MTAP: variants seen among roughly 807,000 people sequenced by gnomAD.
The protein encoded by MTAP is methylthioadenosine phosphorylase, also known as S-methyl-5'-thioadenosine phosphorylase.
In MTAP, 33 loss-of-function variants were observed where a neutral mutation model predicts 33.6. The ratio of observed to expected loss-of-function variants is 0.98; its 90% confidence interval spans 0.74 to 1.31. The LOEUF (loss-of-function observed/expected upper bound fraction) is 1.31, where lower values mean the gene tolerates loss of function less well. Among genes scored for constraint, MTAP ranks in the 40% most tolerant of loss-of-function variants. MTAP has a pLI of 0.00. For missense variants in MTAP, 367 were observed against 360.0 expected (o/e 1.02, Z -0.16); for synonymous variants, 148 against 125.7 (o/e 1.18, Z -1.19).
Position 21,827,938 on chromosome 9 carries a change from T to C in MTAP, c.347+9736T>C, listed in dbSNP as rs190203823. 2.5e-3 allele frequency among the ~76,000 whole-genome samples: 374 copies of C among 152,358 alleles called. 2 individuals carry two copies. The highest frequency in any genetic ancestry group is 8.5e-3 in the African/African-American group (355 of 41,590). ...ATGTATAAAGTATTACAGATGATAC[T>C]GTAAAGTCTGAATTGGGCACTGAGC... is the stretch of plus-strand genomic sequence containing the variant. On this transcript the variant is annotated intron_variant, in intron 4 of 7. Transcript: ENST00000644715.
chr9:21,835,874 G>C (rs1474372416), intron 4 of MTAP, among the ~76,000 whole-genome samples: 2 of 152,228 alleles, frequency 1.3e-5, no homozygotes, highest in African/African-American at 4.8e-5. Flanking sequence ...TGTATTGACA[G>C]TTAAGTTGAT....
chr9:21,913,795 A>G (rs569961044), intron 1 of MTAP, among the ~76,000 whole-genome samples: 2 of 152,352 alleles, frequency 1.3e-5, no homozygotes, highest in South Asian at 2.1e-4. Context: ...AATTAAACTA[A>G]AGAGCTTCTG....
chr9:21,863,743 G>A lies in MTAP; in HGVS notation c.*1729G>A, dbSNP rs182527165. ...CTATTACAGGATACTTCAGGATCAA[G>A]ATACAGAACCTTTTATTTAAAGAGT... is the stretch of plus-strand genomic sequence containing the variant. On this transcript the variant is annotated 3_prime_UTR_variant, in exon 8 of 8. Coordinates refer to ENST00000644715, the MANE Select transcript of MTAP (RefSeq NM_002451.4). The A allele has an allele frequency of 1.4e-4, 139 of 985,812 alleles. No homozygotes were observed. In the East Asian group the frequency reaches 0.014, roughly 102 times the overall value. The allele number at this position is 985,812 out of a possible 1,614,324, so 61.1% of individuals were successfully genotyped here.
At chr9:21,817,319 T>G (rs543566224) in intron 3 of MTAP, among the ~76,000 whole-genome samples, 5 of 152,212 alleles carry the variant, frequency 3.3e-5, no homozygotes, top group Admixed American at 2.6e-4. Context: ...TTTAGCAGCT[T>G]AAAATAGCAC....
At chr9:21,908,905 C>G (rs1379156007) in intron 1 of MTAP, among the ~76,000 whole-genome samples, 1 of 151,798 alleles carries the variant, frequency 6.6e-6, no homozygotes, top group Non-Finnish European at 1.5e-5. Context: ...TCTTTATATT[C>G]CCTTCCCCTT....
intron 1 of MTAP, among the ~76,000 whole-genome samples, chr9:21,813,245 T>C (rs936802276): frequency 6.6e-6 from 1 of 152,230 alleles, no homozygotes; most frequent in Non-Finnish European, 1.5e-5. Context: ...ACTCAGTTGC[T>C]ACACTTGTCC....
At position 21,865,910 on chromosome 9, in the gene MTAP, A is replaced by G; in HGVS notation, c.*3896A>G. 1 of 564,336 alleles carries G rather than the reference A, an allele frequency of 1.8e-6. No homozygotes were observed. The highest frequency in any genetic ancestry group is 2.2e-6 in the Non-Finnish European group (1 of 444,760). The allele number at this position is 564,336 out of a possible 1,614,324, so 35.0% of individuals were successfully genotyped here. A position where few individuals can be genotyped will look rare whatever the true frequency, so the allele number is the denominator to read the frequency against. ...AATTTGATTATCTATTCACCTGTTGATGAATGTTTGAATTTTTTCCATTTG... is the reference window on the plus strand; with the variant it reads ...AATTTGATTATCTATTCACCTGTTGGTGAATGTTTGAATTTTTTCCATTTG... On this transcript the variant is annotated 3_prime_UTR_variant, in exon 8 of 8. Coordinates refer to ENST00000644715, the MANE Select transcript of MTAP (RefSeq NM_002451.4).
chr9:21,823,265 A>T (rs1036002840), intron 4 of MTAP, among the ~76,000 whole-genome samples: 2 of 152,014 alleles, frequency 1.3e-5, no homozygotes, highest in African/African-American at 2.4e-5. Flanking sequence ...AGTGGCTGGT[A>T]CCAGTTGTTC....
chr9:21,865,783 C>A lies in MTAP; in HGVS notation c.*3769C>A, dbSNP rs1386730525. ...AATTTCTTCAGAAAGACAATCTCGG[C>A]ATGCATTATTTCTTTGTTTTGAAGA... is the stretch of plus-strand genomic sequence containing the variant. On this transcript the variant is annotated 3_prime_UTR_variant, in exon 8 of 8. Transcript: ENST00000644715. The A allele has an allele frequency of 1.6e-5, 17 of 1,031,206 alleles. No homozygotes were observed. In the African/African-American group the frequency reaches 2.7e-4, roughly 17 times the overall value. The allele number at this position is 1,031,206 out of a possible 1,614,324, so 63.9% of individuals were successfully genotyped here. A position where few individuals can be genotyped will look rare whatever the true frequency, so the allele number is the denominator to read the frequency against.
chr9:21,816,053 C>T (rs1263532298), intron 2 of MTAP, among the ~76,000 whole-genome samples: 2 of 152,228 alleles, frequency 1.3e-5, no homozygotes. Context: ...GCCCATGTCA[C>T]TCAGCCTAGG....
At chr9:21,809,411 G>A (rs1356714637) in intron 1 of MTAP, among the ~76,000 whole-genome samples, 2 of 151,816 alleles carry the variant, frequency 1.3e-5, no homozygotes, top group African/African-American at 2.4e-5. Flanking sequence ...AGGCTGAGGC[G>A]GGCGGATCAC....
rs1825784001 is a variant in MTAP at position 21,862,968 on chromosome 9, T to C, written c.*954T>C. 2.0e-6 allele frequency: 2 copies of C among 984,154 alleles called. No individual in the cohort carries two copies. Among genetic ancestry groups the C allele is most frequent in the African/African-American group, 1.7e-5 (1 of 57,318 alleles). 61.0% of individuals were successfully genotyped at this position (984,154 alleles called of 1,614,324 possible). A position where few individuals can be genotyped will look rare whatever the true frequency, so the allele number is the denominator to read the frequency against. On this transcript the variant is annotated 3_prime_UTR_variant, in exon 8 of 8. Transcript: ENST00000644715. ...AAGATCCAGTTCTTGAAAACACTGT[T>C]TCTGGTAATGAAGCAGAATTTAAGT...
chr9:21,847,686 A>C (rs1417842627), intron 5 of MTAP, among the ~76,000 whole-genome samples: 1 of 152,222 alleles, frequency 6.6e-6, no homozygotes, highest in African/African-American at 2.4e-5. Flanking sequence ...CAGTGGACAA[A>C]GTGATGAAAG....
At chr9:21,840,608 T>C (rs758413081) in intron 5 of MTAP, among the ~76,000 whole-genome samples, 3 of 152,176 alleles carry the variant, frequency 2.0e-5, no homozygotes, top group Non-Finnish European at 4.4e-5. Flanking sequence ...AGTCTCCAGC[T>C]TGAGTCCAGG....
At chr9:21,811,257 C>A (rs899158281) in intron 1 of MTAP, among the ~76,000 whole-genome samples, 1 of 152,132 alleles carries the variant, frequency 6.6e-6, no homozygotes, top group Non-Finnish European at 1.5e-5. Context: ...TGAATGGTTT[C>A]TGGGACAAAG....
chr9:21,810,651 C>G (rs890513881), intron 1 of MTAP, among the ~76,000 whole-genome samples: 1 of 152,180 alleles, frequency 6.6e-6, no homozygotes, highest in African/African-American at 2.4e-5. Flanking sequence ...ACATTCAAAC[C>G]ATAACATGAG....
chr9:21,830,631 C>A (rs989793730), intron 4 of MTAP, among the ~76,000 whole-genome samples: 7 of 152,184 alleles, frequency 4.6e-5, no homozygotes, highest in African/African-American at 1.7e-4. Flanking sequence ...AAGATATGTA[C>A]TCCCAGATTC....
At chr9:21,911,858 G>C (rs1175611296) in intron 1 of MTAP, among the ~76,000 whole-genome samples, 2 of 151,986 alleles carry the variant, frequency 1.3e-5, no homozygotes, top group Non-Finnish European at 2.9e-5. Flanking sequence ...TTTTTGAAAA[G>C]ATCAACAAAA....
chr9:21,811,700 A>G, intron 1 of MTAP: 1 of 531,998 alleles, frequency 1.9e-6, no homozygotes, highest in Non-Finnish European at 3.8e-6. Flanking sequence ...CTCAGACACC[A>G]GGTCGTTCAT....
Sources: allele counts gnomAD v4.1 joint callset (sites outside exome capture counted in the v4.1 genomes callset), GRCh38; gene constraint gnomAD v4.1.1; transcripts MANE v1.5; gene names NCBI Gene and HGNC (gene_info 2026-07-23, HGNC 2026-07-21).